The following NECTIN2 variants were observed in gnomAD, a reference collection of about 807,000 sequenced individuals.
NECTIN2 encodes the protein nectin-2.
In NECTIN2, 23 loss-of-function variants were observed where a neutral mutation model predicts 56.9. That is an observed-to-expected ratio of 0.40 (90% CI 0.29 to 0.57). NECTIN2 has a LOEUF of 0.57. NECTIN2 is among the 20% of genes least tolerant of loss of function. The pLI, the probability that NECTIN2 is intolerant of heterozygous loss-of-function variation, is 0.38. For synonymous variants in NECTIN2, 302 were observed against 313.8 expected, an observed-to-expected ratio of 0.96 and a Z score of 0.40; for missense variants, 587 against 718.3, an observed-to-expected ratio of 0.82 and a Z score of 2.09.
At chr19:44,854,055 G>A (rs1021362060) in intron 1 of NECTIN2, among the ~76,000 whole-genome samples, 12 of 151,952 alleles carry the variant, frequency 7.9e-5, no homozygotes, top group African/African-American at 2.9e-4. Context: ...CTGAGGTGGA[G>A]TATCTCGGGG....
chr19:44,872,173 T>TC (rs762109442), intron 3 of NECTIN2, 24 bp downstream of exon 3: 4 of 1,601,912 alleles, frequency 2.5e-6, no homozygotes, highest in Non-Finnish European at 3.4e-6. Context: ...GGGTGACCCC[T>TC]CCCCCATCAA....
intron 1 of NECTIN2, among the ~76,000 whole-genome samples, chr19:44,859,467 G>A (rs559555080): frequency 2.0e-5 from 3 of 152,248 alleles, no homozygotes; most frequent in Admixed American, 6.5e-5. Flanking sequence ...CCACTCAGTC[G>A]CCATGCTGTA....
At chr19:44,886,356 T>C (rs79888508) in intron 8 of NECTIN2, 137 bp downstream of exon 8, 6 of 663,504 alleles carry the variant, frequency 9.0e-6, no homozygotes, top group East Asian at 8.1e-5. Context: ...GCTTAATGCA[T>C]TGAGATGTGT....
chr19:44,863,240 C>T (rs960505983), intron 1 of NECTIN2, among the ~76,000 whole-genome samples: 2 of 152,064 alleles, frequency 1.3e-5, no homozygotes, highest in South Asian at 2.1e-4. Flanking sequence ...GAGGCTGAGG[C>T]GGGCTGCTCA....
chr19:44,868,466 C>CTTTTT (rs71338735), intron 2 of NECTIN2, among the ~76,000 whole-genome samples: 53 of 133,500 alleles, frequency 4.0e-4, no homozygotes, highest in South Asian at 7.0e-4. Context: ...TTTCCTTTTT[C>CTTTTT]TTTTTTTTTT....
intron 3 of NECTIN2, 93 bp downstream of exon 3, chr19:44,872,242 G>A (rs938574833): frequency 1.3e-5 from 19 of 1,449,682 alleles, no homozygotes; most frequent in East Asian, 9.3e-5. Context: ...TGTTGTCTAC[G>A]TGGGTTCCCT....
intron 1 of NECTIN2, among the ~76,000 whole-genome samples, chr19:44,852,401 G>A (rs982785562): frequency 6.7e-6 from 1 of 149,316 alleles, no homozygotes; most frequent in Non-Finnish European, 1.5e-5. Flanking sequence ...CACCCAGCCT[G>A]TGAGGGTTTT....
intron 1 of NECTIN2, among the ~76,000 whole-genome samples, chr19:44,864,020 C>CCCCG (rs1568590983): frequency 6.6e-6 from 1 of 151,414 alleles, no homozygotes; most frequent in Non-Finnish European, 1.5e-5. Flanking sequence ...ATTCCCCCCC[C>CCCCG]CCAAAAAAAA....
At position 44,874,355 on chromosome 19, in the gene NECTIN2, G is replaced by C; in HGVS notation, c.919G>C (p.Ala307Pro). 1 of 1,614,092 alleles carries C rather than the reference G, an allele frequency of 6.2e-7. No homozygotes were observed. Among genetic ancestry groups the C allele is most frequent in the Non-Finnish European group, 8.5e-7 (1 of 1,179,990 alleles). The change falls in exon 5 of 9, where the codon GCA becomes CCA. Residue 307 changes from alanine to proline, a missense_variant. Transcript: ENST00000252483. This position sits in a 1 kb window ranked among gnomAD's most constrained non-coding sequence, Gnocchi z 6.3. ...STTSGTFPTS[A>P]VAQGSQLVIH... ...GACCTCAGGCACCTTCCCGACCTCC[G>C]CAGTGGCCCAGGGCTCCCAGCTGGT...
At position 44,888,256 on chromosome 19, in the gene NECTIN2, G is replaced by A; in HGVS notation, c.1494G>A (p.Glu498=). 6.2e-7 allele frequency: 1 copy of A among 1,614,154 alleles called. No individual in the cohort carries two copies. The highest frequency in any genetic ancestry group is 8.5e-7 in the Non-Finnish European group (1 of 1,180,014). The change falls in exon 9 of 9, where the codon GAG becomes GAA. Residue 498 remains glutamate (E), a synonymous_variant. Coordinates refer to ENST00000252483, the MANE Select transcript of NECTIN2 (RefSeq NM_001042724.2). ...EDVSLDLEDE[E]GEEEEEYLDK... ...TTTCCCTGGATCTAGAGGATGAGGA[G>A]GGGGAGGAGGAGGAAGAGTATCTGG...
At chr19:44,885,177 G>A (rs566576193) in intron 6 of NECTIN2, among the ~76,000 whole-genome samples, 1 of 150,264 alleles carries the variant, frequency 6.7e-6, no homozygotes, top group African/African-American at 2.5e-5. Context: ...TGTATTTTTA[G>A]TAGGGACAGG....
At position 44,878,859 on chromosome 19, in the gene NECTIN2, C is replaced by A. The variant is rs928942058; in HGVS notation, c.1043-3352C>A. On this transcript the variant is annotated intron_variant, in intron 5 of 8. Coordinates refer to ENST00000252483, the MANE Select transcript of NECTIN2 (RefSeq NM_001042724.2). ...GTGGGGATCCAGAGAGGACCCCCGC[C>A]CCCAGAGACTTGGTTTTGGCTCCAG... is the stretch of plus-strand genomic sequence containing the variant. 6.1e-6 allele frequency: 8 copies of A among 1,303,736 alleles called. No individual in the cohort carries two copies. The African/African-American group carries it at 1.1e-4, about 17-fold the overall frequency. 80.8% of individuals were successfully genotyped at this position (1,303,736 alleles called of 1,614,324 possible). A position where few individuals can be genotyped will look rare whatever the true frequency, so the allele number is the denominator to read the frequency against.
intron 5 of NECTIN2, chr19:44,878,672 G>T: frequency 6.5e-7 from 1 of 1,538,258 alleles, no homozygotes; most frequent in South Asian, 1.3e-5. Context: ...CCCCCGACCT[G>T]ACCACGCCGG....
intron 1 of NECTIN2, among the ~76,000 whole-genome samples, chr19:44,852,055 C>A (rs1968905616): frequency 6.8e-6 from 1 of 146,954 alleles, no homozygotes; most frequent in Admixed American, 6.8e-5. Context: ...ACAGCCCCGA[C>A]CCTGATCCCG....
rs74566924 is a variant in NECTIN2 at position 44,872,507 on chromosome 19, G to C, written c.775+358G>C. 5.6e-3 allele frequency among the ~76,000 whole-genome samples: 850 copies of C among 152,126 alleles called. 4 individuals carry two copies. Among genetic ancestry groups the C allele is most frequent in the African/African-American group, 0.019 (803 of 41,494 alleles). ...ACACCAAGGAAATTGGCAAACCCTA[G>C]AAATGGGGGCTTCTTTTATTCCCCA... On this transcript the variant is annotated intron_variant, in intron 3 of 8. Coordinates refer to ENST00000252483, the MANE Select transcript of NECTIN2 (RefSeq NM_001042724.2).
intron 6 of NECTIN2, among the ~76,000 whole-genome samples, chr19:44,884,827 T>A (rs940406795): frequency 1.3e-5 from 2 of 152,194 alleles, no homozygotes; most frequent in African/African-American, 2.4e-5. Flanking sequence ...TGCTTTGGTC[T>A]GTGGGTGTGT....
In NECTIN2 at chr19:44,875,023, C is replaced by T. The variant is rs1969220612; in HGVS notation, c.1042+545C>T. ...AGCCATGCTTCCTGGGACAGAGAGACCCCTGGGTCCTGGAGATAGGGCCAG... is the reference window on the plus strand; with the variant it reads ...AGCCATGCTTCCTGGGACAGAGAGATCCCTGGGTCCTGGAGATAGGGCCAG... On this transcript the variant is annotated intron_variant, in intron 5 of 8. Coordinates refer to ENST00000252483, the MANE Select transcript of NECTIN2 (RefSeq NM_001042724.2). The surrounding 1 kb of genome is among the most constrained non-coding windows in gnomAD (Gnocchi z 4.2). Among the ~76,000 whole-genome samples, 1 of 152,174 alleles carries T rather than the reference C, an allele frequency of 6.6e-6. No individual in the cohort carries two copies. Among genetic ancestry groups the T allele is most frequent in the Admixed American group, 6.5e-5 (1 of 15,284 alleles).
rs796321873 is a variant in NECTIN2, at chr19:44,883,936, A to G, written c.1196+1572A>G. Among the ~76,000 whole-genome samples the G allele has an allele frequency of 1.3e-4, 20 of 152,044 alleles. 1 individual carries two copies. The highest frequency in any genetic ancestry group is 4.6e-4 in the African/African-American group (19 of 41,482). On this transcript the variant is annotated intron_variant, in intron 6 of 8. Coordinates refer to ENST00000252483, the MANE Select transcript of NECTIN2 (RefSeq NM_001042724.2). Reference sequence around the variant, plus strand: ...GGAGTTCGAGACCAGCCTGGGCAACATGGCGAAACCTGTCTACAAAAAAAA... The same window carrying G: ...GGAGTTCGAGACCAGCCTGGGCAACGTGGCGAAACCTGTCTACAAAAAAAA...
rs764920117 is a variant in NECTIN2, at chr19:44,874,476, G to A, written c.1040G>A (p.Arg347Gln). 2.5e-5 allele frequency: 41 copies of A among 1,613,160 alleles called. No individual in the cohort carries two copies. Among genetic ancestry groups the A allele is most frequent in the Non-Finnish European group, 3.2e-5 (38 of 1,180,028 alleles). ...MGRAEQVIFVRETPNTAGAGA... is the reference protein window; with the variant it reads ...MGRAEQVIFVQETPNTAGAGA... ...CGCGCTGAGCAGGTCATCTTTGTCC[G>A]AGGTGAGTGGGTCTTGGGGGCCGTG... The change falls in exon 5 of 9, where the codon CGA (arginine) becomes CAA (glutamine). Residue 347 changes from arginine to glutamine, a missense_variant and splice_region_variant. Transcript: ENST00000252483. This position sits in a 1 kb window ranked among gnomAD's most constrained non-coding sequence, Gnocchi z 6.3.
Sources: gnomAD v4.1 joint callset for allele counts (sites outside exome capture counted in the v4.1 genomes callset) on GRCh38, gnomAD v4.1.1 for gene constraint, Gnocchi (gnomAD v3.1) non-coding constraint, MANE v1.5 for transcripts, NCBI Gene and HGNC (gene_info 2026-07-23, HGNC 2026-07-21) for gene names.